PDXDC1: variants seen among roughly 807,000 people sequenced by gnomAD.
PDXDC1 encodes the protein pyridoxal-dependent decarboxylase domain-containing protein 1.
Under a neutral mutation model 100.1 loss-of-function variants are expected in PDXDC1, and 42 were observed. The observed-to-expected ratio is 0.42, with a 90% confidence interval of 0.33 to 0.54. PDXDC1 has a LOEUF of 0.54. Among genes scored for constraint, PDXDC1 ranks in the 20% least tolerant of loss-of-function variants. The pLI, the probability that PDXDC1 is intolerant of heterozygous loss-of-function variation, is 0.10. For missense variants in PDXDC1, 636 were observed against 979.2 expected (o/e 0.65, Z 4.68); for synonymous variants, 260 against 371.7 (o/e 0.70, Z 3.46).
chr16:15,127,815 G>A (rs1283081624), intron 16 of PDXDC1: 24 of 1,561,752 alleles, frequency 1.5e-5, no homozygotes, highest in Non-Finnish European at 2.1e-5. Flanking sequence ...GGTCCCATAT[G>A]GAGAGCCAGA....
At chr16:14,977,226 T>C (rs1966885019) in intron 1 of PDXDC1, among the ~76,000 whole-genome samples, 1 of 151,658 alleles carries the variant, frequency 6.6e-6, no homozygotes, top group Non-Finnish European at 1.5e-5. Context: ...CTTAGGTCAA[T>C]GTGAAAATTC....
At chr16:14,980,903 A>T (rs1326437300) in intron 1 of PDXDC1, among the ~76,000 whole-genome samples, 1 of 152,284 alleles carries the variant, frequency 6.6e-6, no homozygotes, top group African/African-American at 2.4e-5. Context: ...CCCGGCCTTG[A>T]TTTATAATTT....
intron 16 of PDXDC1, among the ~76,000 whole-genome samples, chr16:15,074,294 C>G (rs1226109786): frequency 1.3e-5 from 2 of 152,160 alleles, no homozygotes; most frequent in Non-Finnish European, 2.9e-5. Context: ...CCTGGCAAAG[C>G]CTTTAAAGTT....
chr16:15,080,620 A>G (rs1385909646), intron 16 of PDXDC1, among the ~76,000 whole-genome samples: 1 of 151,944 alleles, frequency 6.6e-6, no homozygotes, highest in Non-Finnish European at 1.5e-5. Flanking sequence ...TTAGAGAGAC[A>G]TTTTCTCACT....
chr16:15,056,011 G>C (rs919630328), intron 16 of PDXDC1: 18 of 1,113,790 alleles, frequency 1.6e-5, no homozygotes, highest in Non-Finnish European at 1.8e-5. Flanking sequence ...GGAGGCGGCG[G>C]CCCCCCGCTT....
Position 15,008,764 on chromosome 16 carries a change from T to C in PDXDC1, c.580-15T>C, listed in dbSNP as rs369576972. 7.4e-6 allele frequency: 12 copies of C among 1,613,396 alleles called. No individual in the cohort carries two copies. The African/African-American group carries it at 1.3e-4, about 18-fold the overall frequency. On this transcript the variant is annotated splice_polypyrimidine_tract_variant and intron_variant, in intron 6 of 22. Coordinates refer to ENST00000396410, the MANE Select transcript of PDXDC1 (RefSeq NM_015027.4). ...CAGAGAGCTTTCTTGTCAAGTCATA[T>C]GTTTCTTCCTGCAGCTCGGCTTGCC...
chr16:15,033,941 C>G (rs2043229821), intron 19 of PDXDC1, among the ~76,000 whole-genome samples: 2 of 152,200 alleles, frequency 1.3e-5, no homozygotes, highest in African/African-American at 4.8e-5. Flanking sequence ...CAAGGTAAGA[C>G]TGCTCTGAAA....
chr16:14,977,269 C>CTTTTTTT (rs5816116), intron 1 of PDXDC1, among the ~76,000 whole-genome samples: 1 of 95,054 alleles, frequency 1.1e-5, no homozygotes, highest in Non-Finnish European at 1.9e-5. Context: ...ATGGGACTTA[C>CTTTTTTT]TTTTTTTTTT....
chr16:14,989,301 C>A, intron 1 of PDXDC1: 1 of 1,613,324 alleles, frequency 6.2e-7, no homozygotes, highest in Non-Finnish European at 8.5e-7. Flanking sequence ...GTGCACCACC[C>A]ACAGCACCGT....
rs759167258 is a variant in PDXDC1 at position 15,033,331 on chromosome 16, A to C, written c.1744A>C (p.Asn582His). ...CCTTTATGTCGGCATGGCGAGCGAC[A>C]ACGTCGATGCTGCTGAGCTCGTGGA... is the stretch of plus-strand genomic sequence containing the variant. ...SCLYVGMASD[N>H]VDAAELVETI... Residue 582 changes from asparagine (N) to histidine (H), a missense_variant, in exon 19 of 23, where the codon AAC (asparagine) becomes CAC (histidine). By Grantham distance (68) the Asn-to-His change is moderately conservative. This residue lies in a region of PDXDC1 where 452 missense variants were observed against 402.9 expected (regional missense o/e 1.12). Coordinates refer to ENST00000396410, the MANE Select transcript of PDXDC1 (RefSeq NM_015027.4). 1 of 1,614,070 alleles carries C rather than the reference A, an allele frequency of 6.2e-7. No individual in the cohort carries two copies. Among genetic ancestry groups the C allele is most frequent in the African/African-American group, 1.3e-5 (1 of 74,926 alleles).
rs1032524704 is a variant in PDXDC1, at chr16:15,033,365, C to G, written c.1778C>G (p.Ala593Gly). The G allele has an allele frequency of 1.2e-6, 2 of 1,614,094 alleles. No homozygotes were observed. Among genetic ancestry groups the G allele is most frequent in the Admixed American group, 3.3e-5 (2 of 60,032 alleles). ...VDAAELVETI[A>G]ATAREIEENS... Reference sequence around the variant, plus strand: ...GCTGCTGAGCTCGTGGAGACCATTGCGGCCACAGCCCGGGAGATAGAGGAG... The same window carrying G: ...GCTGCTGAGCTCGTGGAGACCATTGGGGCCACAGCCCGGGAGATAGAGGAG... The change falls in exon 19 of 23, where the codon GCG (alanine) becomes GGG (glycine). Residue 593 changes from alanine to glycine, a missense_variant. Ala to Gly is a moderately conservative substitution (Grantham distance 60, BLOSUM62 0). This residue lies in a region of PDXDC1 where 452 missense variants were observed against 402.9 expected (regional missense o/e 1.12). Transcript: ENST00000396410.
chr16:15,133,816 T>G (rs1234103668), intron 16 of PDXDC1: 14 of 1,586,770 alleles, frequency 8.8e-6, no homozygotes, highest in Non-Finnish European at 1.2e-5. Context: ...AAGTGCACCT[T>G]GGTGGTGAGG....
At chr16:15,093,281 G>A (rs1345902982) in intron 16 of PDXDC1, among the ~76,000 whole-genome samples, 1 of 152,200 alleles carries the variant, frequency 6.6e-6, no homozygotes, top group Non-Finnish European at 1.5e-5. Flanking sequence ...TGGGATTACA[G>A]GCGTGAGCAA....
chr16:14,990,627 A>G (rs542569417), intron 1 of PDXDC1, among the ~76,000 whole-genome samples: 40 of 152,386 alleles, frequency 2.6e-4, no homozygotes, highest in African/African-American at 8.2e-4. Flanking sequence ...GTGAGGGTCT[A>G]TGGCATTGGA....
At chr16:15,135,901 C>T in intron 16 of PDXDC1, 2 of 1,578,114 alleles carry the variant, frequency 1.3e-6, no homozygotes, top group Non-Finnish European at 1.7e-6. Flanking sequence ...CAGGCAGCGC[C>T]AGCCGCGGCA....
At chr16:15,059,271 T>C (rs1343570993) in intron 16 of PDXDC1, among the ~76,000 whole-genome samples, 10 of 152,162 alleles carry the variant, frequency 6.6e-5, no homozygotes, top group Admixed American at 6.5e-4. Flanking sequence ...ACCACCATCG[T>C]AAGCACTGCC....
chr16:15,086,389 A>G (rs757203543), intron 16 of PDXDC1: 13 of 1,613,706 alleles, frequency 8.1e-6, no homozygotes, highest in Non-Finnish European at 1.1e-5. Flanking sequence ...TAAGTTGCTC[A>G]AAGTCTTTTG....
intron 16 of PDXDC1, among the ~76,000 whole-genome samples, chr16:15,100,038 G>T (rs2046485774): frequency 1.3e-5 from 2 of 152,190 alleles, no homozygotes; most frequent in Admixed American, 1.3e-4. Context: ...GGCCAATTTG[G>T]ATAAGGTGCC....
intron 16 of PDXDC1, among the ~76,000 whole-genome samples, chr16:15,056,778 AAAT>A (rs2044540752): frequency 6.6e-6 from 1 of 152,176 alleles, no homozygotes. Flanking sequence ...CTGTTTCTGA[AAAT>A]AATAAAAATA....
Sources: allele counts gnomAD v4.1 joint callset (sites outside exome capture counted in the v4.1 genomes callset), GRCh38; gene constraint gnomAD v4.1.1; regional missense constraint gnomAD v4.1.1; transcripts MANE v1.5; gene names NCBI Gene and HGNC (gene_info 2026-07-23, HGNC 2026-07-21).